Variants in CDC14A observed in about 807,000 individuals in gnomAD.
CDC14A encodes the protein dual specificity protein phosphatase CDC14A.
CDC14A carries 53 observed loss-of-function variants against 74.4 expected under a neutral mutation model. That is an observed-to-expected ratio of 0.71 (90% CI 0.57 to 0.89). CDC14A has a LOEUF of 0.89. Among genes scored for constraint, CDC14A ranks in the 40% least tolerant of loss-of-function variants. The probability of loss-of-function intolerance (pLI) is 0.00; values close to 1 mark genes in which losing one functional copy is unlikely to be tolerated. For missense variants in CDC14A, 646 were observed against 713.7 expected (o/e 0.91, Z 1.08); for synonymous variants, 247 against 258.4 (o/e 0.96, Z 0.43).
At chr1:100,473,412 G>GT (rs1668580511) in intron 10 of CDC14A, among the ~76,000 whole-genome samples, 1 of 151,556 alleles carries the variant, frequency 6.6e-6, no homozygotes, top group Non-Finnish European at 1.5e-5. Flanking sequence ...TTGAGACGGT[G>GT]TTTCACTCTT....
chr1:100,372,487 C>T (rs1654615849), intron 2 of CDC14A, among the ~76,000 whole-genome samples: 1 of 152,178 alleles, frequency 6.6e-6, no homozygotes, highest in Non-Finnish European at 1.5e-5. Context: ...ATAATATTCA[C>T]AGCATCTTCA....
At chr1:100,447,454 G>A (rs545923302) in intron 7 of CDC14A, among the ~76,000 whole-genome samples, 51 of 152,240 alleles carry the variant, frequency 3.3e-4, no homozygotes, top group Non-Finnish European at 5.1e-4. Flanking sequence ...GTCCACAAAA[G>A]TAACTGTGAG....
chr1:100,511,142 T>G (rs1456115716), intron 15 of CDC14A, among the ~76,000 whole-genome samples: 1 of 152,206 alleles, frequency 6.6e-6, no homozygotes, highest in Non-Finnish European at 1.5e-5. Context: ...CTTCTCCTTT[T>G]GTATCTTCAG....
In CDC14A at chr1:100,509,657, C is replaced by A. The variant is rs957143178; in HGVS notation, c.1756-8594C>A. ...ATGTGCATGCATGTGCAAAGAAGCACAGACACCACGTGCACATTGCTTGTA... is the reference window on the plus strand; with the variant it reads ...ATGTGCATGCATGTGCAAAGAAGCAAAGACACCACGTGCACATTGCTTGTA... On this transcript the variant is annotated intron_variant, in intron 15 of 15. Coordinates refer to ENST00000336454, the MANE Select transcript of CDC14A (RefSeq NM_003672.4). Among the ~76,000 whole-genome samples the A allele has an allele frequency of 2.6e-5, 4 of 152,380 alleles. No homozygotes were observed. The East Asian group carries it at 7.7e-4, about 29-fold the overall frequency.
At chr1:100,351,601 T>C, upstream of CDC14A, 1 of 650,040 alleles carries the variant, frequency 1.5e-6, no homozygotes, top group Non-Finnish European at 2.7e-6. Context: ...CTTGGACCAG[T>C]GGACTCTCCT....
chr1:100,351,801 A>C, upstream of CDC14A: 2 of 1,550,408 alleles, frequency 1.3e-6, no homozygotes, highest in Non-Finnish European at 1.7e-6. Flanking sequence ...AAGTTATATC[A>C]GAGTCTGGTA....
At chr1:100,389,817 G>GT (rs960167660) in intron 3 of CDC14A, among the ~76,000 whole-genome samples, 6 of 151,532 alleles carry the variant, frequency 4.0e-5, no homozygotes, top group South Asian at 2.1e-4. Flanking sequence ...TTGTGCCTGT[G>GT]TTTTTTTTGC....
chr1:100,419,509 C>T (rs1201945461), intron 4 of CDC14A, among the ~76,000 whole-genome samples: 1 of 152,246 alleles, frequency 6.6e-6, no homozygotes, highest in Admixed American at 6.5e-5. Context: ...TTACACAGTG[C>T]TAAGGAAAGG....
intron 4 of CDC14A, among the ~76,000 whole-genome samples, chr1:100,422,028 T>G (rs527903324): frequency 6.6e-6 from 1 of 152,332 alleles, no homozygotes; most frequent in Non-Finnish European, 1.5e-5. Flanking sequence ...TACCTTCAGG[T>G]TGTGAAAGGT....
intron 2 of CDC14A, among the ~76,000 whole-genome samples, chr1:100,372,919 G>C (rs1013025631): frequency 1.3e-5 from 2 of 152,166 alleles, no homozygotes; most frequent in African/African-American, 4.8e-5. Context: ...TGCTGTGGCT[G>C]GTTTCATCTT....
intron 3 of CDC14A, among the ~76,000 whole-genome samples, chr1:100,388,440 T>G (rs1316199776): frequency 6.6e-6 from 1 of 152,226 alleles, no homozygotes; most frequent in Non-Finnish European, 1.5e-5. Context: ...TTGTAACCTT[T>G]ACATCCCTAG....
At chr1:100,517,254 C>T (rs1343046371) in intron 15 of CDC14A, among the ~76,000 whole-genome samples, 1 of 152,186 alleles carries the variant, frequency 6.6e-6, no homozygotes, top group East Asian at 1.9e-4. Context: ...TTCTTTTTTA[C>T]TGATAACCTA....
chr1:100,357,408 T>TG (rs1249274925), intron 2 of CDC14A, among the ~76,000 whole-genome samples: 1 of 152,010 alleles, frequency 6.6e-6, no homozygotes, highest in African/African-American at 2.4e-5. Context: ...AGCTCCACTT[T>TG]GGGGAAGTAT....
At chr1:100,485,828 A>T (rs1030868739) in intron 11 of CDC14A, 3 of 152,194 alleles carry the variant, frequency 2.0e-5, no homozygotes, top group Admixed American at 6.5e-5. Flanking sequence ...TCTTTCAGGG[A>T]CAAAGGATGG....
At chr1:100,365,686 A>G (rs1165119149) in intron 2 of CDC14A, among the ~76,000 whole-genome samples, 1 of 152,212 alleles carries the variant, frequency 6.6e-6, no homozygotes, top group Non-Finnish European at 1.5e-5. Context: ...AGAAGTTGGC[A>G]TCAGTGTGAC....
intron 5 of CDC14A, among the ~76,000 whole-genome samples, chr1:100,432,254 T>G (rs1211272680): frequency 6.6e-6 from 1 of 152,346 alleles, no homozygotes; most frequent in Admixed American, 6.5e-5. Context: ...ATATAAGCTC[T>G]TTCTTTTATT....
intron 15 of CDC14A, among the ~76,000 whole-genome samples, chr1:100,506,156 T>C (rs1649220173): frequency 6.6e-6 from 1 of 152,206 alleles, no homozygotes; most frequent in Non-Finnish European, 1.5e-5. Context: ...ATCCAAACTA[T>C]ATCAATATTC....
chr1:100,361,580 T>C (rs750790683), intron 2 of CDC14A, among the ~76,000 whole-genome samples: 1 of 152,114 alleles, frequency 6.6e-6, no homozygotes, highest in Non-Finnish European at 1.5e-5. Flanking sequence ...GTTGAATGAA[T>C]GAATGAGTGA....
intron 2 of CDC14A, among the ~76,000 whole-genome samples, chr1:100,371,633 T>G (rs939302531): frequency 6.6e-6 from 1 of 152,210 alleles, no homozygotes; most frequent in Non-Finnish European, 1.5e-5. Context: ...CAACCTTGCA[T>G]TCCAGGAATG....
Sources: gnomAD v4.1 joint callset for allele counts (sites outside exome capture counted in the v4.1 genomes callset) on GRCh38, gnomAD v4.1.1 for gene constraint, MANE v1.5 for transcripts, NCBI Gene and HGNC (gene_info 2026-07-23, HGNC 2026-07-21) for gene names.